The following ZMIZ1 variants were observed in gnomAD, a reference collection of about 807,000 sequenced individuals.
The protein encoded by ZMIZ1 is zinc finger MIZ-type containing 1, also known as zinc finger MIZ domain-containing protein 1.
In ZMIZ1, 17 loss-of-function variants were observed where a neutral mutation model predicts 113.9. That is an observed-to-expected ratio of 0.15 (90% CI 0.10 to 0.22). ZMIZ1 has a LOEUF of 0.22. ZMIZ1 is among the 10% of genes least tolerant of loss of function. The pLI is 1.00. For synonymous variants in ZMIZ1, 607 were observed against 603.1 expected, an observed-to-expected ratio of 1.01 and a Z score of -0.09; for missense variants, 1,059 against 1,477.8, an observed-to-expected ratio of 0.72 and a Z score of 4.65.
intron 7 of ZMIZ1, among the ~76,000 whole-genome samples, chr10:79,235,695 CCT>C (rs1277765164): frequency 6.6e-6 from 1 of 152,064 alleles, no homozygotes; most frequent in Non-Finnish European, 1.5e-5. Context: ...CCCTGACCTC[CCT>C]GTGAGCAGGA....
At chr10:79,074,436 G>C (rs1419276857) in intron 1 of ZMIZ1, among the ~76,000 whole-genome samples, 2 of 152,208 alleles carry the variant, frequency 1.3e-5, no homozygotes, top group African/African-American at 4.8e-5. Context: ...GCCCCCAGTA[G>C]CTGTGTCCCT....
chr10:79,258,047 C>T (rs899333460), intron 7 of ZMIZ1, among the ~76,000 whole-genome samples: 1 of 152,190 alleles, frequency 6.6e-6, no homozygotes, highest in Admixed American at 6.5e-5. Flanking sequence ...GCGTGGGAGC[C>T]AGTATCCCCA....
intron 7 of ZMIZ1, among the ~76,000 whole-genome samples, chr10:79,256,138 C>T (rs771515764): frequency 5.9e-5 from 9 of 152,194 alleles, no homozygotes; most frequent in Non-Finnish European, 8.8e-5. Flanking sequence ...ATTACTGCTC[C>T]CTGCCCGTCT....
chr10:79,122,996 G>A (rs986059285), intron 2 of ZMIZ1, among the ~76,000 whole-genome samples: 6 of 152,206 alleles, frequency 3.9e-5, no homozygotes, highest in African/African-American at 1.4e-4. Context: ...GCAGACTAGC[G>A]CCCAGCCCTG....
intron 1 of ZMIZ1, among the ~76,000 whole-genome samples, chr10:79,084,487 A>G (rs1842747643): frequency 6.6e-6 from 1 of 152,236 alleles, no homozygotes; most frequent in African/African-American, 2.4e-5. Flanking sequence ...GGGCAGCTCT[A>G]TCTTGGCCAC....
At chr10:79,166,003 G>GTGTGC (rs1309575802) in intron 4 of ZMIZ1, among the ~76,000 whole-genome samples, 1 of 44,470 alleles carries the variant, frequency 2.2e-5, no homozygotes, top group African/African-American at 1.2e-4. Context: ...TGTGTGTGTG[G>GTGTGC]GCTCTCCCTG....
intron 24 of ZMIZ1, 110 bp downstream of exon 24, chr10:79,311,294 TGGGCGGTGGGA>T: frequency 1.1e-4 from 11 of 99,150 alleles, no homozygotes; most frequent in East Asian, 3.8e-4. Context: ...AGGAGGTGGG[TGGGCGGTGGGA>T]GGGCTTCACC....
chr10:79,081,329 T>C (rs894660936), intron 1 of ZMIZ1, among the ~76,000 whole-genome samples: 1 of 152,104 alleles, frequency 6.6e-6, no homozygotes, highest in Non-Finnish European at 1.5e-5. Flanking sequence ...TGGGCCTTAT[T>C]ATCTCTGCCT....
intron 3 of ZMIZ1, among the ~76,000 whole-genome samples, chr10:79,160,028 A>G (rs1264697321): frequency 6.6e-6 from 1 of 152,162 alleles, no homozygotes; most frequent in African/African-American, 2.4e-5. Flanking sequence ...CTGCCAAGAT[A>G]ATTATTTTCT....
At chr10:79,208,050 G>T (rs959639116) in intron 5 of ZMIZ1, among the ~76,000 whole-genome samples, 2 of 149,766 alleles carry the variant, frequency 1.3e-5, no homozygotes, top group Admixed American at 6.7e-5. Context: ...GGTGGGGATG[G>T]GGGTAGAGGT....
At chr10:79,305,683 G>A (rs1423204993) in intron 21 of ZMIZ1, 82 bp downstream of exon 21, 35 of 1,407,850 alleles carry the variant, frequency 2.5e-5, no homozygotes, top group Non-Finnish European at 3.3e-5. Flanking sequence ...GGATAGCCCT[G>A]ACACAGCCCT....
intron 7 of ZMIZ1, among the ~76,000 whole-genome samples, chr10:79,253,629 C>G (rs544739225): frequency 1.3e-5 from 2 of 152,298 alleles, no homozygotes; most frequent in South Asian, 4.1e-4. Flanking sequence ...CTCTGGCCTT[C>G]TACCTTCCAA....
chr10:79,263,711 G>C (rs950268123), intron 7 of ZMIZ1, among the ~76,000 whole-genome samples: 1 of 152,076 alleles, frequency 6.6e-6, no homozygotes, highest in Non-Finnish European at 1.5e-5. Context: ...CTTGGAATTG[G>C]ACACTAAGGG....
At chr10:79,273,876 C>T (rs1043305307) in intron 7 of ZMIZ1, among the ~76,000 whole-genome samples, 1 of 152,270 alleles carries the variant, frequency 6.6e-6, no homozygotes, top group African/African-American at 2.4e-5. Flanking sequence ...GTGGGCCTCC[C>T]GCCGTGGGAG....
intron 1 of ZMIZ1, among the ~76,000 whole-genome samples, chr10:79,093,157 CACACACACACACACACACAT>C (rs1224046843): frequency 2.1e-5 from 3 of 141,864 alleles, no homozygotes; most frequent in Non-Finnish European, 4.8e-5. Context: ...CACACACACA[CACACACACACACACACACAT>C]ATTCAGGGGA....
intron 7 of ZMIZ1, among the ~76,000 whole-genome samples, chr10:79,217,142 G>C (rs1433220634): frequency 5.3e-5 from 8 of 152,244 alleles, no homozygotes; most frequent in Non-Finnish European, 1.0e-4. Flanking sequence ...ATAAAGTGCA[G>C]GCCGGGCGCG....
chr10:79,311,211 G>T, intron 24 of ZMIZ1, 27 bp downstream of exon 24: 2 of 1,592,348 alleles, frequency 1.3e-6, no homozygotes, highest in Non-Finnish European at 1.7e-6. Flanking sequence ...ACTCGCCTTG[G>T]CCTGGGGCTA....
At chr10:79,288,637 G>C (rs1216721327) in intron 8 of ZMIZ1, among the ~76,000 whole-genome samples, 1 of 152,202 alleles carries the variant, frequency 6.6e-6, no homozygotes, top group Non-Finnish European at 1.5e-5. Context: ...TTTGTGACTT[G>C]GTGAGGGGGT....
chr10:79,089,094 C>G (rs1842913097), intron 1 of ZMIZ1, among the ~76,000 whole-genome samples: 1 of 152,200 alleles, frequency 6.6e-6, no homozygotes, highest in Admixed American at 6.5e-5. Context: ...GGTTGTCTGC[C>G]CCTGCCCCTC....
Sources: gnomAD v4.1 joint callset for allele counts (sites outside exome capture counted in the v4.1 genomes callset) on GRCh38, gnomAD v4.1.1 for gene constraint, MANE v1.5 for transcripts, NCBI Gene and HGNC (gene_info 2026-07-23, HGNC 2026-07-21) for gene names.